CELF2: variants seen among roughly 807,000 people sequenced by gnomAD.
CELF2 encodes the protein CUGBP Elav-like family member 2, also known as CUG triplet repeat RNA-binding protein 2.
CELF2 carries 8 observed loss-of-function variants against 62.6 expected under a neutral mutation model. That is an observed-to-expected ratio of 0.13 (90% confidence interval 0.07 to 0.23). The LOEUF (loss-of-function observed/expected upper bound fraction) is 0.23. Ranked by LOEUF, CELF2 falls within the 10% of genes least tolerant of loss-of-function variation. CELF2 has a pLI of 1.00. For missense variants in CELF2, 333 were observed against 671.0 expected, an observed-to-expected ratio of 0.50 and a Z score of 5.56; for synonymous variants, 258 against 250.0, an observed-to-expected ratio of 1.03 and a Z score of -0.30.
At chr10:11,084,908 A>G (rs1332747686) in intron 1 of CELF2, among the ~76,000 whole-genome samples, 1 of 152,224 alleles carries the variant, frequency 6.6e-6, no homozygotes, top group Non-Finnish European at 1.5e-5. Flanking sequence ...GATCCTCTTA[A>G]TATCATTACG....
chr10:10,697,980 A>G, the CELF2 span, among the ~76,000 whole-genome samples: 1 of 152,278 alleles, frequency 6.6e-6, no homozygotes, highest in East Asian at 1.9e-4. Context: ...TTTAGTACAG[A>G]CAGGGTTTTA....
At chr10:10,643,823 G>T in the CELF2 span, among the ~76,000 whole-genome samples, 2 of 152,176 alleles carry the variant, frequency 1.3e-5, no homozygotes, top group Middle Eastern at 3.4e-3. Flanking sequence ...ATTTTAAATT[G>T]TGACAGTCTT....
At chr10:10,882,150 T>C (rs1343746308) in intron 1 of CELF2, among the ~76,000 whole-genome samples, 1 of 152,236 alleles carries the variant, frequency 6.6e-6, no homozygotes, top group African/African-American at 2.4e-5. Context: ...TTTAGACTGC[T>C]ATTGGCTTGC....
chr10:10,864,452 C>T (rs12570039), intron 1 of CELF2, among the ~76,000 whole-genome samples: 10,532 of 152,202 alleles, frequency 0.069, 509 homozygotes, highest in East Asian at 0.21. Flanking sequence ...ATACCACAGG[C>T]CAAGTGGCTT....
intron 2 of CELF2, among the ~76,000 whole-genome samples, chr10:10,922,287 A>C (rs1163413553): frequency 6.6e-6 from 1 of 152,056 alleles, no homozygotes; most frequent in Non-Finnish European, 1.5e-5. Flanking sequence ...TTGTGCTTTC[A>C]CTCTGGAAAA....
chr10:11,091,156 A>G (rs2224867), intron 1 of CELF2, among the ~76,000 whole-genome samples: 41,928 of 152,130 alleles, frequency 0.28, 6,788 homozygotes, highest in African/African-American at 0.45. Context: ...TTTTTTGTCT[A>G]ATCAGCTTCC....
intron 1 of CELF2, among the ~76,000 whole-genome samples, chr10:10,805,640 G>A (rs1247017297): frequency 6.6e-6 from 1 of 152,140 alleles, no homozygotes; most frequent in Middle Eastern, 3.2e-3. Flanking sequence ...AATGAGGGGG[G>A]GAGACGGGTG....
rs1435487013 is a variant in CELF2 at position 11,224,966 on chromosome 10, G to C, written c.354+7459G>C. The stretch of plus-strand genomic sequence containing the variant: ...CCGGATATGGTCTGGTTTGTGCAGG[G>C]AAGCGCGCTGGACACTTACAGGAGG... On this transcript the variant is annotated intron_variant, in intron 3 of 12. Transcript: ENST00000633077. The surrounding 1 kb of genome is among the most constrained non-coding windows in gnomAD (Gnocchi z 4.5). Among the ~76,000 whole-genome samples, 2 of 152,200 alleles carry C rather than the reference G, an allele frequency of 1.3e-5. No individual in the cohort carries two copies. Among genetic ancestry groups the C allele is most frequent in the East Asian group, 3.8e-4 (2 of 5,198 alleles).
In CELF2 at chr10:11,311,707, G is replaced by A. The variant is rs957394014; in HGVS notation, c.977-2432G>A. On this transcript the variant is annotated intron_variant, in intron 9 of 12. Transcript: ENST00000633077. The surrounding 1 kb of genome is among the most constrained non-coding windows in gnomAD (Gnocchi z 4.7). Reference sequence around the variant, plus strand: ...TAAAATTTGGAGATGTAAGTTTAGCGGAACATTACATACAATTGAAAGAGA... The same window carrying A: ...TAAAATTTGGAGATGTAAGTTTAGCAGAACATTACATACAATTGAAAGAGA... Among the ~76,000 whole-genome samples the A allele has an allele frequency of 7.2e-5, 11 of 151,808 alleles. No homozygotes were observed. The highest frequency in any genetic ancestry group is 1.2e-4 in the African/African-American group (5 of 41,292).
the CELF2 span, among the ~76,000 whole-genome samples, chr10:10,580,226 C>T: frequency 6.6e-6 from 1 of 152,090 alleles, no homozygotes; most frequent in Non-Finnish European, 1.5e-5. Flanking sequence ...TGGGGGCAAC[C>T]TTCTAAAGTA....
chr10:10,622,870 G>A, the CELF2 span, among the ~76,000 whole-genome samples: 1 of 151,586 alleles, frequency 6.6e-6, no homozygotes. Context: ...GAGGTGGGTG[G>A]ATCACGAGGT....
chr10:10,723,309 GA>G, the CELF2 span, among the ~76,000 whole-genome samples: 1 of 152,190 alleles, frequency 6.6e-6, no homozygotes, highest in South Asian at 2.1e-4. Context: ...TTGGTCATCT[GA>G]AATGGAAGTT....
intron 3 of CELF2, among the ~76,000 whole-genome samples, chr10:11,248,139 G>T (rs1179040068): frequency 6.6e-6 from 1 of 152,238 alleles, no homozygotes; most frequent in Non-Finnish European, 1.5e-5. Flanking sequence ...CGCAGCCAGT[G>T]ATTCCTTCCA....
At chr10:11,051,531 T>C (rs755221034) in intron 1 of CELF2, among the ~76,000 whole-genome samples, 1 of 152,192 alleles carries the variant, frequency 6.6e-6, no homozygotes, top group South Asian at 2.1e-4. Context: ...CGATCAAGTA[T>C]TGCATTGGAT....
the CELF2 span, among the ~76,000 whole-genome samples, chr10:10,662,818 A>T: frequency 6.6e-6 from 1 of 152,220 alleles, no homozygotes; most frequent in African/African-American, 2.4e-5. Context: ...TGGAGAGCAC[A>T]TTAACCACTT....
the CELF2 span, among the ~76,000 whole-genome samples, chr10:10,789,956 GTTC>G: frequency 6.6e-6 from 1 of 151,732 alleles, no homozygotes; most frequent in Non-Finnish European, 1.5e-5. Context: ...ATTTAAAATT[GTTC>G]TTTATAAATG....
chr10:10,812,168 A>G (rs747626442), intron 1 of CELF2, among the ~76,000 whole-genome samples: 1 of 152,220 alleles, frequency 6.6e-6, no homozygotes, highest in Non-Finnish European at 1.5e-5. Flanking sequence ...TCACAGTTCC[A>G]TGTGGCTGGG....
At chr10:11,249,520 C>G (rs576674043) in intron 4 of CELF2, among the ~76,000 whole-genome samples, 1 of 152,062 alleles carries the variant, frequency 6.6e-6, no homozygotes, top group South Asian at 2.1e-4. Flanking sequence ...CAAAGCAATA[C>G]AGGGACATCT....
At chr10:10,652,030 A>G in the CELF2 span, among the ~76,000 whole-genome samples, 5 of 150,278 alleles carry the variant, frequency 3.3e-5, no homozygotes, top group Non-Finnish European at 7.4e-5. Context: ...TGCTTAAAGG[A>G]GCTGATGGAG....
Sources: gnomAD v4.1 joint callset for allele counts (sites outside exome capture counted in the v4.1 genomes callset) on GRCh38, gnomAD v4.1.1 for gene constraint, Gnocchi (gnomAD v3.1) non-coding constraint, MANE v1.5 for transcripts, NCBI Gene and HGNC (gene_info 2026-07-23, HGNC 2026-07-21) for gene names.